MTBP: variants seen among roughly 807,000 people sequenced by gnomAD.
The protein encoded by MTBP is mdm2-binding protein.
Under a neutral mutation model 117.0 loss-of-function variants are expected in MTBP, and 101 were observed. The observed-to-expected ratio is 0.86, with a 90% CI of 0.73 to 1.02. The LOEUF (loss-of-function observed/expected upper bound fraction) is 1.02. Among genes scored for constraint, MTBP ranks in the 50% least tolerant of loss-of-function variants. The pLI is 0.00. For missense variants in MTBP, 970 were observed against 1,030.9 expected (o/e 0.94, Z 0.81); for synonymous variants, 350 against 351.5 (o/e 1.00, Z 0.05).
At position 120,475,401 on chromosome 8, in the gene MTBP, TAAAG is replaced by T. The variant is rs376004907; in HGVS notation, c.1165+4470_1165+4473del. Among the ~76,000 whole-genome samples the T allele has an allele frequency of 5.1e-3, 775 of 152,156 alleles. 10 individuals carry two copies. Among genetic ancestry groups the T allele is most frequent in the African/African-American group, 0.018 (734 of 41,578 alleles). The stretch of plus-strand genomic sequence containing the variant: ...TAGTAATAACTGTTCTCCAGACAGA[TAAAG>T]AAAGACTTTGAATGGACTCCATCCA... On this transcript the variant is annotated intron_variant, in intron 11 of 21. Coordinates refer to ENST00000305949, the MANE Select transcript of MTBP (RefSeq NM_022045.5).
intron 9 of MTBP, 152 bp from the exon 10 acceptor site, chr8:120,463,540 T>G (rs1028582759): frequency 1.8e-6 from 1 of 543,512 alleles, no homozygotes; most frequent in East Asian, 2.8e-5. Context: ...ATACTTATCC[T>G]TAGGGAAAGG....
Position 120,453,844 on chromosome 8 carries a change from T to C in MTBP, c.426-3T>C. On this transcript the variant is annotated splice_region_variant and splice_polypyrimidine_tract_variant and intron_variant, in intron 4 of 21. Coordinates refer to ENST00000305949, the MANE Select transcript of MTBP (RefSeq NM_022045.5). ...CTTTCCCTAACTTACCCTTTTATTTTAGTCTCTATGAAGAAGCTGCAGAAA... is the reference window on the plus strand; with the variant it reads ...CTTTCCCTAACTTACCCTTTTATTTCAGTCTCTATGAAGAAGCTGCAGAAA... 6.5e-7 allele frequency: 1 copy of C among 1,539,768 alleles called. No homozygotes were observed. Among genetic ancestry groups the C allele is most frequent in the Non-Finnish European group, 8.9e-7 (1 of 1,129,098 alleles).
chr8:120,485,465 A>T (rs1191020502), intron 11 of MTBP, among the ~76,000 whole-genome samples: 1 of 151,936 alleles, frequency 6.6e-6, no homozygotes, highest in African/African-American at 2.4e-5. Flanking sequence ...CAGTGTTTCC[A>T]TTGGGTTTTT....
In MTBP at chr8:120,506,609, T is replaced by A. The variant is rs928063025; in HGVS notation, c.1728-97T>A. The A allele has an allele frequency of 5.2e-6, 5 of 961,822 alleles. No homozygotes were observed. The African/African-American group carries it at 8.6e-5, about 17-fold the overall frequency. 59.6% of individuals were successfully genotyped at this position (961,822 alleles called of 1,614,324 possible). On this transcript the variant is annotated intron_variant, in intron 15 of 21. Coordinates refer to ENST00000305949, the MANE Select transcript of MTBP (RefSeq NM_022045.5). ...TGTGTTTTTCTGGTTTCTGCTCACA[T>A]CTTCTTTTCCCGACTGTGCTTTTTT...
At chr8:120,484,095 C>T (rs1464175013) in intron 11 of MTBP, among the ~76,000 whole-genome samples, 2 of 151,770 alleles carry the variant, frequency 1.3e-5, no homozygotes, top group Non-Finnish European at 2.9e-5. Flanking sequence ...TTACAAGCTT[C>T]AGTGATTAAA....
At chr8:120,480,078 T>C (rs1814041844) in intron 11 of MTBP, among the ~76,000 whole-genome samples, 1 of 151,672 alleles carries the variant, frequency 6.6e-6, no homozygotes, top group Non-Finnish European at 1.5e-5. Flanking sequence ...AATGGAGAGA[T>C]GTACCATATT....
chr8:120,484,746 A>G (rs563501385), intron 11 of MTBP, among the ~76,000 whole-genome samples: 141 of 152,302 alleles, frequency 9.3e-4, no homozygotes, highest in African/African-American at 3.2e-3. Flanking sequence ...CACCACAGTC[A>G]AGTTTAGGGC....
At chr8:120,452,844 A>T (rs1030936247) in intron 4 of MTBP, 1 of 151,686 alleles carries the variant, frequency 6.6e-6, no homozygotes, top group African/African-American at 2.4e-5. Context: ...AAAAAAAAAA[A>T]AAAAGAAAAG....
At position 120,458,370 on chromosome 8, in the gene MTBP, A is replaced by G. The variant is rs374150491; in HGVS notation, c.748-845A>G. On this transcript the variant is annotated intron_variant, in intron 7 of 21. Transcript: ENST00000305949. ...TTCCTATCGCATAGATTTTTGTGAG[A>G]ATTAAATTATTTAAAGCACAGAGTA... Among the ~76,000 whole-genome samples the G allele has an allele frequency of 1.4e-3, 214 of 152,292 alleles. 3 individuals are homozygous for G. The highest frequency in any genetic ancestry group is 4.9e-3 in the African/African-American group (202 of 41,568).
chr8:120,467,105 C>A (rs1023937136), intron 10 of MTBP, among the ~76,000 whole-genome samples: 2 of 151,872 alleles, frequency 1.3e-5, no homozygotes, highest in Non-Finnish European at 1.5e-5. Context: ...ATGATTAGCC[C>A]CAGAATATAA....
At chr8:120,477,565 A>C (rs1813970639) in intron 11 of MTBP, among the ~76,000 whole-genome samples, 1 of 152,198 alleles carries the variant, frequency 6.6e-6, no homozygotes, top group African/African-American at 2.4e-5. Flanking sequence ...AGAAAAAAGC[A>C]AACAACCCCA....
chr8:120,459,371 G>A (rs1813538125), intron 8 of MTBP, 22 bp downstream of exon 8: 1 of 1,583,008 alleles, frequency 6.3e-7, no homozygotes, highest in Non-Finnish European at 8.6e-7. Flanking sequence ...TAATTTTTTT[G>A]TGTGATCATT....
At chr8:120,451,477 A>G in intron 4 of MTBP, 155 bp downstream of exon 4, 3 of 564,928 alleles carry the variant, frequency 5.3e-6, no homozygotes, top group Non-Finnish European at 9.1e-6. Context: ...TTTTATTTGA[A>G]TAAAATTCTT....
At chr8:120,482,880 T>C (rs1456338175) in intron 11 of MTBP, among the ~76,000 whole-genome samples, 1 of 151,976 alleles carries the variant, frequency 6.6e-6, no homozygotes, top group Admixed American at 6.6e-5. Flanking sequence ...TTTGTATTTT[T>C]AGTAGAGATG....
At chr8:120,497,059 T>G (rs1199074094) in intron 13 of MTBP, among the ~76,000 whole-genome samples, 5 of 152,248 alleles carry the variant, frequency 3.3e-5, no homozygotes, top group Non-Finnish European at 5.9e-5. Flanking sequence ...CATATTTAAC[T>G]GAAAGTCTAA....
intron 11 of MTBP, 75 bp downstream of exon 11, chr8:120,471,012 A>G (rs1813805883): frequency 1.0e-6 from 1 of 976,928 alleles, no homozygotes; most frequent in Admixed American, 2.1e-5. Context: ...AGTGAAGATA[A>G]CATTTCTATA....
chr8:120,497,552 A>G lies in MTBP; in HGVS notation c.1607A>G (p.Asn536Ser). ...MDKIKTFNIL[N>S]DFSPVEPNSS... is the part of the protein sequence containing the mutation. ...AAAATTAAAACCTTCAATATATTAA[A>G]TGGTAAGTTTTTTATTACTTTAAAT... is the stretch of plus-strand genomic sequence containing the variant. Residue 536 changes from asparagine to serine, a missense_variant and splice_region_variant, in exon 14 of 22, where the codon AAT becomes AGT. By Grantham distance (46) the Asn-to-Ser change is conservative (BLOSUM62 1). Coordinates refer to ENST00000305949, the MANE Select transcript of MTBP (RefSeq NM_022045.5). The G allele has an allele frequency of 6.8e-7, 1 of 1,462,752 alleles. No individual in the cohort carries two copies. Among genetic ancestry groups the G allele is most frequent in the Non-Finnish European group, 9.3e-7 (1 of 1,074,474 alleles). The allele number at this position is 1,462,752 out of a possible 1,614,324, so 90.6% of individuals were successfully genotyped here.
chr8:120,462,386 T>C (rs769559346), intron 9 of MTBP, among the ~76,000 whole-genome samples: 27 of 151,738 alleles, frequency 1.8e-4, no homozygotes, highest in Non-Finnish European at 4.4e-5. Flanking sequence ...GGCCAGAGAG[T>C]GTAGTTGATT....
intron 1 of MTBP, 120 bp from the exon 2 acceptor site, chr8:120,446,313 C>A: frequency 1.5e-6 from 1 of 658,114 alleles, no homozygotes; most frequent in Admixed American, 2.4e-5. Flanking sequence ...AGATCTTGAG[C>A]AGCGTTTAGT....
Sources: allele counts gnomAD v4.1 joint callset (sites outside exome capture counted in the v4.1 genomes callset), GRCh38; gene constraint gnomAD v4.1.1; transcripts MANE v1.5; gene names NCBI Gene and HGNC (gene_info 2026-07-23, HGNC 2026-07-21).